Variants in NRDC observed in about 807,000 individuals in gnomAD.
NRDC encodes nardilysin.
NRDC carries 54 observed loss-of-function variants against 147.1 expected under a neutral mutation model. That is an observed-to-expected ratio of 0.37 (90% CI 0.29 to 0.46). The LOEUF is 0.46. Ranked by LOEUF, NRDC falls within the 20% of genes least tolerant of loss-of-function variation. NRDC has a pLI of 1.00. For missense variants in NRDC, 1,082 were observed against 1,370.6 expected (o/e 0.79, Z 3.33); for synonymous variants, 440 against 482.1 (o/e 0.91, Z 1.14).
Position 51,798,420 on chromosome 1 carries a change from AGGGC to A in NRDC, c.2442-13_2442-10del, listed in dbSNP as rs1453288650. On this transcript the variant is annotated splice_polypyrimidine_tract_variant and intron_variant, in intron 21 of 30. Coordinates refer to ENST00000352171, the MANE Select transcript of NRDC (RefSeq NM_001101662.2). ...TTAAAAGCCGTACATCTCTGTACAG[AGGGC>A]AGAAAAAAAACACTCAAAGTTTTGT... The A allele has an allele frequency of 3.2e-6, 5 of 1,578,786 alleles. No homozygotes were observed. The highest frequency in any genetic ancestry group is 3.6e-5 in the Admixed American group (2 of 55,072).
intron 1 of NRDC, among the ~76,000 whole-genome samples, chr1:51,870,755 CTAT>C (rs1182762471): frequency 6.6e-6 from 1 of 151,888 alleles, no homozygotes; most frequent in Non-Finnish European, 1.5e-5. Context: ...ATCTAAGAAT[CTAT>C]TATTATTATG....
chr1:51,833,518 G>C (rs1680812451), intron 4 of NRDC, among the ~76,000 whole-genome samples: 1 of 151,444 alleles, frequency 6.6e-6, no homozygotes. Context: ...AAAAGGTGTT[G>C]ACTTTTATTT....
intron 11 of NRDC, chr1:51,816,082 T>G (rs145557428): frequency 5.1e-5 from 13 of 257,246 alleles, no homozygotes; most frequent in African/African-American, 2.4e-4. Context: ...TTTTAAAATT[T>G]TGTGTACAAA....
At chr1:51,814,645 A>G in intron 12 of NRDC, 36 bp from the exon 13 acceptor site, 1 of 1,608,430 alleles carries the variant, frequency 6.2e-7, no homozygotes, top group Admixed American at 1.7e-5. Context: ...TTTTGCATAA[A>G]GTGATATCTA....
chr1:51,840,566 C>T, intron 1 of NRDC, 52 bp from the exon 2 acceptor site: 1 of 1,207,918 alleles, frequency 8.3e-7, no homozygotes, highest in Non-Finnish European at 1.2e-6. Context: ...TTCTTTACAC[C>T]AATACAAGTA....
chr1:51,811,409 C>T (rs1010888431), intron 15 of NRDC, among the ~76,000 whole-genome samples: 1 of 152,094 alleles, frequency 6.6e-6, no homozygotes, highest in Non-Finnish European at 1.5e-5. Context: ...TTGTGACAAC[C>T]AAAATGTCTC....
rs1681202718 is a variant in NRDC at position 51,840,288 on chromosome 1, C to A, written c.568G>T (p.Asp190Tyr). ...TCTTCTAATTCTTCCAATTCATTATCCTCAGTATCAAGATCATCATCATGT... is the reference window on the plus strand; with the variant it reads ...TCTTCTAATTCTTCCAATTCATTATACTCAGTATCAAGATCATCATCATGT... ...DEHDDDLDTEDNELEELEERA... is the reference protein window; with the variant it reads ...DEHDDDLDTEYNELEELEERA... Residue 190 changes from aspartate (D) to tyrosine (Y), a missense_variant, in exon 2 of 31, where the codon GAT becomes TAT. By Grantham distance (160) the Asp-to-Tyr change is radical. This residue lies in a region of NRDC where 260 missense variants were observed against 253.2 expected (regional missense o/e 1.03). Transcript: ENST00000352171. The A allele has an allele frequency of 6.2e-7, 1 of 1,603,188 alleles. No individual in the cohort carries two copies. The highest frequency in any genetic ancestry group is 8.5e-7 in the Non-Finnish European group (1 of 1,170,668).
intron 1 of NRDC, among the ~76,000 whole-genome samples, chr1:51,861,114 TA>T: frequency 6.6e-6 from 1 of 151,978 alleles, no homozygotes; most frequent in East Asian, 1.9e-4. Flanking sequence ...CATGCCCAGT[TA>T]ATTTTTGTAT....
intron 10 of NRDC, 53 bp downstream of exon 10, chr1:51,818,013 A>C: frequency 2.2e-6 from 3 of 1,368,342 alleles, no homozygotes; most frequent in Non-Finnish European, 3.1e-6. Flanking sequence ...AGCATGCTTT[A>C]AAAATTACTC....
intron 9 of NRDC, among the ~76,000 whole-genome samples, chr1:51,819,259 T>C (rs913974092): frequency 6.6e-6 from 1 of 151,706 alleles, no homozygotes; most frequent in Non-Finnish European, 1.5e-5. Context: ...GATCATGCCA[T>C]TGTACTCCAG....
At chr1:51,847,261 C>G (rs770231351) in intron 1 of NRDC, among the ~76,000 whole-genome samples, 2 of 152,246 alleles carry the variant, frequency 1.3e-5, no homozygotes, top group African/African-American at 2.4e-5. Context: ...ATCCCCCCAG[C>G]TAGACATAAA....
At position 51,803,813 on chromosome 1, in the gene NRDC, C is replaced by T. The variant is rs1489379791; in HGVS notation, c.2313+1G>A. 1 of 1,610,768 alleles carries T rather than the reference C, an allele frequency of 6.2e-7. No individual in the cohort carries two copies. Among genetic ancestry groups the T allele is most frequent in the Non-Finnish European group, 8.5e-7 (1 of 1,178,426 alleles). On this transcript the variant is annotated splice_donor_variant, in intron 20 of 30. Coordinates refer to ENST00000352171, the MANE Select transcript of NRDC (RefSeq NM_001101662.2). LOFTEE classifies it high-confidence loss of function. ...AAGGAAAACAGAGTACTTGTACTTA[C>T]AGGTAGTTTGTGGTTAAATCCTTTC...
chr1:51,875,400 A>G (rs1232157564), intron 1 of NRDC, among the ~76,000 whole-genome samples: 1 of 152,242 alleles, frequency 6.6e-6, no homozygotes, highest in African/African-American at 2.4e-5. Flanking sequence ...AAGCCATATA[A>G]AGACAAAAAC....
intron 1 of NRDC, among the ~76,000 whole-genome samples, chr1:51,857,413 T>A (rs1274704353): frequency 6.6e-6 from 1 of 152,216 alleles, no homozygotes; most frequent in African/African-American, 2.4e-5. Flanking sequence ...TTCTGGTTCC[T>A]GGGCTACCCA....
intron 24 of NRDC, 47 bp from the exon 25 acceptor site, chr1:51,792,471 A>G (rs1198786587): frequency 6.3e-7 from 1 of 1,587,318 alleles, no homozygotes; most frequent in Admixed American, 1.7e-5. Context: ...AGTGGTTTAC[A>G]GGGCTTTTAA....
At chr1:51,839,609 A>C (rs1043642665) in intron 2 of NRDC, among the ~76,000 whole-genome samples, 5 of 152,238 alleles carry the variant, frequency 3.3e-5, no homozygotes, top group African/African-American at 1.2e-4. Context: ...TTATTTATCT[A>C]TCCACTGATG....
In NRDC at chr1:51,794,506, C is replaced by T. The variant is rs756301284; in HGVS notation, c.2741G>A (p.Gly914Asp). The T allele has an allele frequency of 6.2e-7, 1 of 1,614,170 alleles. No individual in the cohort carries two copies. The highest frequency in any genetic ancestry group is 1.1e-5 in the South Asian group (1 of 91,080). Reference sequence around the variant, plus strand: ...CACAGTGACTTCAGAGTTGGCATCACCCTTGTTCAGAGCTTTCACTTTGCA... The same window carrying T: ...CACAGTGACTTCAGAGTTGGCATCATCCTTGTTCAGAGCTTTCACTTTGCA... ...HLCKVKALNK[G>D]DANSEVTVYY... is the part of the protein sequence containing the mutation. Residue 914 changes from glycine (G) to aspartate (D), a missense_variant, in exon 24 of 31, where the codon GGT becomes GAT. Transcript: ENST00000352171.
chr1:51,793,973 A>C (rs1443973113), intron 24 of NRDC: 2 of 154,630 alleles, frequency 1.3e-5, no homozygotes, highest in Non-Finnish European at 2.9e-5. Context: ...CTGAAGACAA[A>C]AGGAATAATC....
chr1:51,846,701 G>A (rs183119186), intron 1 of NRDC, among the ~76,000 whole-genome samples: 4 of 152,236 alleles, frequency 2.6e-5, no homozygotes, highest in African/African-American at 7.2e-5. Flanking sequence ...ACACCAACAA[G>A]ATTTATCGCC....
Sources: allele counts gnomAD v4.1 joint callset (sites outside exome capture counted in the v4.1 genomes callset), GRCh38; gene constraint gnomAD v4.1.1; regional missense constraint gnomAD v4.1.1; transcripts MANE v1.5; gene names NCBI Gene and HGNC (gene_info 2026-07-23, HGNC 2026-07-21).